Variants in NCAM1 observed in about 807,000 individuals in gnomAD.
NCAM1 encodes antigen recognized by monoclonal antibody 5.1H11.
In NCAM1, 14 loss-of-function variants were observed where a neutral mutation model predicts 109.8. That is an observed-to-expected ratio of 0.13 (90% CI 0.08 to 0.20). NCAM1 has a LOEUF of 0.20. NCAM1 is among the 10% of genes least tolerant of loss of function. The pLI, the probability that NCAM1 is intolerant of heterozygous loss-of-function variation, is 1.00. For missense variants in NCAM1, 774 were observed against 1,109.9 expected (o/e 0.70, Z 4.30); for synonymous variants, 418 against 442.9 (o/e 0.94, Z 0.70).
chr11:113,256,173 A>G (rs1275001769), intron 16 of NCAM1, among the ~76,000 whole-genome samples, 172 bp downstream of exon 16: 2 of 152,146 alleles, frequency 1.3e-5, no homozygotes, highest in African/African-American at 4.8e-5. Flanking sequence ...ACAGCCCTAC[A>G]GCTATTAGGT....
chr11:112,964,140 G>GTTTTTTT (rs1254307069), intron 1 of NCAM1, among the ~76,000 whole-genome samples: 1 of 72,898 alleles, frequency 1.4e-5, no homozygotes, highest in Non-Finnish European at 2.7e-5. Context: ...TTTTTTTTTT[G>GTTTTTTT]TTTTTTTTTT....
chr11:113,108,816 C>T (rs1201860328), intron 1 of NCAM1, among the ~76,000 whole-genome samples: 2 of 149,290 alleles, frequency 1.3e-5, no homozygotes, highest in African/African-American at 4.9e-5. Context: ...CACCCTGTCG[C>T]CCAGGCTAGA....
At chr11:113,087,116 T>A (rs1939126966) in intron 1 of NCAM1, among the ~76,000 whole-genome samples, 1 of 152,238 alleles carries the variant, frequency 6.6e-6, no homozygotes, top group Admixed American at 6.5e-5. Context: ...AAGCACATAG[T>A]TATATTCTAG....
chr11:113,183,500 G>T (rs1341258095), intron 1 of NCAM1, among the ~76,000 whole-genome samples: 3 of 152,114 alleles, frequency 2.0e-5, no homozygotes, highest in Non-Finnish European at 4.4e-5. Context: ...GAACCTGCTG[G>T]GTATAAAACC....
intron 1 of NCAM1, among the ~76,000 whole-genome samples, chr11:113,193,053 T>C (rs1555110153): frequency 1.3e-5 from 2 of 152,210 alleles, no homozygotes; most frequent in Admixed American, 6.5e-5. Context: ...TGGGCTGATG[T>C]CCACTTGAAA....
chr11:113,110,059 A>T (rs543410095), intron 1 of NCAM1, among the ~76,000 whole-genome samples: 1 of 152,224 alleles, frequency 6.6e-6, no homozygotes, highest in Non-Finnish European at 1.5e-5. Context: ...GCCAAAGTGC[A>T]TGGAGCTAAT....
chr11:112,987,243 A>G (rs1158086404), intron 1 of NCAM1, among the ~76,000 whole-genome samples: 1 of 152,070 alleles, frequency 6.6e-6, no homozygotes, highest in Non-Finnish European at 1.5e-5. Context: ...TCATGCCATC[A>G]TGGTTAGAAA....
chr11:113,249,670 C>T (rs1945604610), intron 15 of NCAM1, among the ~76,000 whole-genome samples: 1 of 152,152 alleles, frequency 6.6e-6, no homozygotes, highest in Non-Finnish European at 1.5e-5. Context: ...CTGGATCAGC[C>T]CCATAACCAC....
chr11:113,134,783 G>C (rs1318759189), intron 1 of NCAM1, among the ~76,000 whole-genome samples: 2 of 152,174 alleles, frequency 1.3e-5, no homozygotes, highest in Non-Finnish European at 2.9e-5. Context: ...TTTTCGTAAT[G>C]TGTATCATTT....
At chr11:112,971,773 G>A (rs1555066850) in intron 1 of NCAM1, among the ~76,000 whole-genome samples, 1 of 152,142 alleles carries the variant, frequency 6.6e-6, no homozygotes, top group East Asian at 1.9e-4. Context: ...ATGTTTCAGA[G>A]TCAGGATAAA....
intron 1 of NCAM1, among the ~76,000 whole-genome samples, chr11:112,980,078 C>A (rs1951113332): frequency 6.6e-6 from 1 of 151,740 alleles, no homozygotes; most frequent in East Asian, 1.9e-4. Context: ...GCCATAAGGA[C>A]AAATGGCCAA....
intron 1 of NCAM1, among the ~76,000 whole-genome samples, chr11:113,184,433 A>G (rs1264714479): frequency 6.6e-6 from 1 of 152,222 alleles, no homozygotes; most frequent in Non-Finnish European, 1.5e-5. Flanking sequence ...AGTGCCAGCT[A>G]TCCTTTTAAC....
Position 113,137,723 on chromosome 11 carries a change from A to G in NCAM1, c.53-64656A>G, listed in dbSNP as rs116776989. ...AAAGGAAATCACAGTAGGGAATTAG[A>G]CATTTTAAAGAGCATTTTCTTGAGC... On this transcript the variant is annotated intron_variant, in intron 1 of 19. Coordinates refer to ENST00000316851, the MANE Select transcript of NCAM1 (RefSeq NM_181351.5). Among the ~76,000 whole-genome samples the G allele has an allele frequency of 7.5e-3, 1,149 of 152,350 alleles. 13 individuals are homozygous for G. Among genetic ancestry groups the G allele is most frequent in the African/African-American group, 0.026 (1,093 of 41,570 alleles).
chr11:113,236,315 C>T (rs547721067), intron 14 of NCAM1: 12 of 1,613,442 alleles, frequency 7.4e-6, no homozygotes, highest in East Asian at 2.2e-5. Context: ...CCCTCCTCCA[C>T]GTAAGTGCCT....
At chr11:113,270,449 G>A (rs1419965051) in intron 18 of NCAM1, 54 bp downstream of exon 18, 14 of 1,556,920 alleles carry the variant, frequency 9.0e-6, no homozygotes, top group Admixed American at 1.7e-5. Flanking sequence ...CCAGCCCAGG[G>A]ACCCAGCAGC....
intron 1 of NCAM1, among the ~76,000 whole-genome samples, chr11:113,004,746 T>G (rs184305401): frequency 2.0e-3 from 304 of 152,208 alleles, no homozygotes; most frequent in Middle Eastern, 0.017. Flanking sequence ...TTTATTTTGT[T>G]AGACACTCAA....
At chr11:113,168,546 A>G (rs1023500379) in intron 1 of NCAM1, among the ~76,000 whole-genome samples, 15 of 152,216 alleles carry the variant, frequency 9.9e-5, no homozygotes, top group African/African-American at 3.6e-4. Context: ...TCACTTAGGC[A>G]TGTGTAATTG....
chr11:113,241,234 C>T (rs1370130490), intron 14 of NCAM1, among the ~76,000 whole-genome samples: 1 of 152,058 alleles, frequency 6.6e-6, no homozygotes, highest in Non-Finnish European at 1.5e-5. Context: ...TTGTTTTTAC[C>T]CTTCATTTTA....
intron 1 of NCAM1, among the ~76,000 whole-genome samples, chr11:113,134,203 T>A (rs1348731702): frequency 6.6e-6 from 1 of 152,226 alleles, no homozygotes; most frequent in Non-Finnish European, 1.5e-5. Context: ...TTAAACTACT[T>A]TACATACTTC....
Sources: gnomAD v4.1 joint callset for allele counts (sites outside exome capture counted in the v4.1 genomes callset) on GRCh38, gnomAD v4.1.1 for gene constraint, MANE v1.5 for transcripts, NCBI Gene and HGNC (gene_info 2026-07-23, HGNC 2026-07-21) for gene names.